Variants in RBFOX1 observed in about 807,000 individuals in gnomAD.
RBFOX1 encodes the protein RNA binding fox-1 homolog 1, also known as RNA binding protein fox-1 homolog 1.
Under a neutral mutation model 57.7 loss-of-function variants are expected in RBFOX1, and 8 were observed. The ratio of observed to expected loss-of-function variants is 0.14; its 90% confidence interval spans 0.08 to 0.25. The LOEUF (loss-of-function observed/expected upper bound fraction) is 0.25. Ranked by LOEUF, RBFOX1 falls within the 10% of genes least tolerant of loss-of-function variation. The probability of loss-of-function intolerance (pLI) is 1.00; values close to 1 mark genes in which losing one functional copy is unlikely to be tolerated. For synonymous variants in RBFOX1, 326 were observed against 222.4 expected (o/e 1.47, Z -4.15); for missense variants, 611 against 548.5 (o/e 1.11, Z -1.14).
intron 1 of RBFOX1, among the ~76,000 whole-genome samples, chr16:6,261,488 T>G (rs1458484201): frequency 6.6e-6 from 1 of 152,182 alleles, no homozygotes; most frequent in African/African-American, 2.4e-5. Flanking sequence ...GTGAGAGTTA[T>G]TATGACTGTA....
chr16:7,519,947 G>A (rs868852265), intron 5 of RBFOX1, among the ~76,000 whole-genome samples: 1 of 152,012 alleles, frequency 6.6e-6, no homozygotes, highest in Admixed American at 6.5e-5. Context: ...GTGCGGTGGC[G>A]CGATCTCGGC....
At chr16:7,419,661 C>T (rs962698043) in intron 4 of RBFOX1, among the ~76,000 whole-genome samples, 1 of 152,194 alleles carries the variant, frequency 6.6e-6, no homozygotes, top group Non-Finnish European at 1.5e-5. Context: ...GTTCTTTTAT[C>T]TTTCTTCAAA....
At chr16:7,000,596 CTTTTTTTTTTTTT>C (rs759103545) in intron 3 of RBFOX1, among the ~76,000 whole-genome samples, 2 of 92,596 alleles carry the variant, frequency 2.2e-5, no homozygotes, top group African/African-American at 8.5e-5. Context: ...CTTTTTCTTT[CTTTTTTTTTTTTT>C]TTTTTTTTGA....
chr16:6,592,687 C>T (rs1411396311), intron 2 of RBFOX1, among the ~76,000 whole-genome samples: 1 of 152,230 alleles, frequency 6.6e-6, no homozygotes, highest in East Asian at 1.9e-4. Context: ...AGCTCATAGT[C>T]CCCTGAGAAA....
chr16:6,801,622 G>C (rs1236298203), intron 3 of RBFOX1, among the ~76,000 whole-genome samples: 1 of 151,988 alleles, frequency 6.6e-6, no homozygotes, highest in Non-Finnish European at 1.5e-5. Flanking sequence ...GTGTCCATCA[G>C]GAGACAGCTA....
chr16:6,347,960 C>A (rs1003104134), intron 2 of RBFOX1, among the ~76,000 whole-genome samples: 1 of 152,198 alleles, frequency 6.6e-6, no homozygotes. Context: ...TAGCTTACTC[C>A]TGAATACAAG....
At chr16:5,407,835 C>T (rs932469740) in intron 1 of RBFOX1, among the ~76,000 whole-genome samples, 8 of 152,236 alleles carry the variant, frequency 5.3e-5, no homozygotes, top group Non-Finnish European at 1.0e-4. Flanking sequence ...AGGCGTGAGC[C>T]ACTGCACATG....
At chr16:6,314,460 G>A (rs1286831183) in intron 1 of RBFOX1, among the ~76,000 whole-genome samples, 2 of 152,182 alleles carry the variant, frequency 1.3e-5, no homozygotes, top group Non-Finnish European at 2.9e-5. Flanking sequence ...GTTACAGAGA[G>A]CACGCTTGGG....
intron 2 of RBFOX1, among the ~76,000 whole-genome samples, chr16:6,566,535 G>C (rs1391587301): frequency 6.6e-6 from 1 of 152,068 alleles, no homozygotes; most frequent in African/African-American, 2.4e-5. Context: ...TCAAACCATA[G>C]GCTGCTTATC....
chr16:7,636,828 A>G (rs71374960), intron 11 of RBFOX1, among the ~76,000 whole-genome samples: 1 of 136,538 alleles, frequency 7.3e-6, no homozygotes, highest in Admixed American at 7.4e-5. Context: ...CAAGAGAGAG[A>G]CAGAGACAGA....
chr16:6,574,393 G>T (rs1027873419), intron 2 of RBFOX1, among the ~76,000 whole-genome samples: 1 of 150,996 alleles, frequency 6.6e-6, no homozygotes, highest in Non-Finnish European at 1.5e-5. Context: ...GGCGGAACTC[G>T]GTGTAGCAAG....
chr16:7,419,512 T>C (rs2098518496), intron 4 of RBFOX1, among the ~76,000 whole-genome samples: 1 of 152,228 alleles, frequency 6.6e-6, no homozygotes, highest in African/African-American at 2.4e-5. Context: ...GGCTTTTGTT[T>C]TCCTGCGCAT....
intron 2 of RBFOX1, among the ~76,000 whole-genome samples, chr16:6,335,661 C>T (rs1352169357): frequency 6.6e-6 from 1 of 150,846 alleles, no homozygotes; most frequent in Non-Finnish European, 1.5e-5. Flanking sequence ...GCCTGTAACC[C>T]CAGCTACTTG....
intron 4 of RBFOX1, among the ~76,000 whole-genome samples, chr16:7,053,359 C>G (rs537050800): frequency 2.0e-5 from 3 of 152,192 alleles, no homozygotes; most frequent in Admixed American, 6.5e-5. Context: ...GAACAGACTT[C>G]AAGATTTTTA....
chr16:6,391,304 T>C (rs1370954671), intron 2 of RBFOX1, among the ~76,000 whole-genome samples: 1 of 152,008 alleles, frequency 6.6e-6, no homozygotes, highest in Non-Finnish European at 1.5e-5. Flanking sequence ...GGTCAGGAGA[T>C]CCAGACCATC....
At chr16:6,989,552 A>G (rs572400430) in intron 3 of RBFOX1, among the ~76,000 whole-genome samples, 1 of 152,168 alleles carries the variant, frequency 6.6e-6, no homozygotes, top group Non-Finnish European at 1.5e-5. Context: ...AGTACCAGGG[A>G]TGGATATAAA....
intron 4 of RBFOX1, among the ~76,000 whole-genome samples, chr16:7,267,241 A>G (rs2095178716): frequency 6.6e-6 from 1 of 152,032 alleles, no homozygotes; most frequent in Non-Finnish European, 1.5e-5. Flanking sequence ...TCTACTAAAA[A>G]TACAAAAATT....
At chr16:6,238,404 C>G (rs1401699147) in intron 1 of RBFOX1, among the ~76,000 whole-genome samples, 3 of 152,170 alleles carry the variant, frequency 2.0e-5, no homozygotes, top group Non-Finnish European at 4.4e-5. Flanking sequence ...ATTTCTGATA[C>G]TGGAGAATTT....
At chr16:6,912,740 A>T (rs2072002094) in intron 3 of RBFOX1, among the ~76,000 whole-genome samples, 1 of 151,580 alleles carries the variant, frequency 6.6e-6, no homozygotes, top group South Asian at 2.1e-4. Context: ...ACCTCAGCCT[A>T]CTGAGTAGCT....
Sources: allele counts gnomAD v4.1 joint callset (sites outside exome capture counted in the v4.1 genomes callset), GRCh38; gene constraint gnomAD v4.1.1; transcripts MANE v1.5; gene names NCBI Gene and HGNC (gene_info 2026-07-23, HGNC 2026-07-21).